Variants in EPC1 observed in about 807,000 individuals in gnomAD.
The protein encoded by EPC1 is enhancer of polycomb homolog 1.
EPC1 carries 12 observed loss-of-function variants against 98.4 expected under a neutral mutation model. The observed-to-expected ratio is 0.12, with a 90% CI of 0.08 to 0.20. The LOEUF is 0.20. Ranked by LOEUF, EPC1 falls within the 10% of genes least tolerant of loss-of-function variation. EPC1 has a pLI of 1.00. For missense variants in EPC1, 729 were observed against 990.5 expected (o/e 0.74, Z 3.54); for synonymous variants, 357 against 363.9 (o/e 0.98, Z 0.21).
rs765661811 is a variant in EPC1, at chr10:32,293,215, T to C, written c.460-21A>G. ...ACTGGCTAAATGTAAAACCATTATG[T>C]CATTTTCATACAATACACATACAAG... On this transcript the variant is annotated intron_variant, in intron 3 of 13. Coordinates refer to ENST00000319778, the MANE Select transcript of EPC1 (RefSeq NM_001272004.3). The C allele has an allele frequency of 1.9e-6, 3 of 1,564,290 alleles. No homozygotes were observed. The Admixed American group carries it at 5.1e-5, about 26-fold the overall frequency.
intron 1 of EPC1, among the ~76,000 whole-genome samples, chr10:32,337,752 C>T (rs1489571856): frequency 6.6e-6 from 1 of 152,138 alleles, no homozygotes; most frequent in Non-Finnish European, 1.5e-5. Flanking sequence ...AGAGCTATTC[C>T]AAAGAGTTGA....
In EPC1 at chr10:32,286,856, A is replaced by G. The variant is rs1836712007; in HGVS notation, c.1243-14T>C. The G allele has an allele frequency of 6.2e-7, 1 of 1,607,250 alleles. No homozygotes were observed. Among genetic ancestry groups the G allele is most frequent in the African/African-American group, 1.3e-5 (1 of 74,252 alleles). ...GTCTAAGTGAGGCTTAAAAAAAAAA[A>G]TCCAAATTATTTAATTTTGTCAGTT... is the stretch of plus-strand genomic sequence containing the variant. On this transcript the variant is annotated splice_polypyrimidine_tract_variant and intron_variant, in intron 8 of 13. Transcript: ENST00000319778.
chr10:32,367,705 A>G (rs1839639355), intron 1 of EPC1, among the ~76,000 whole-genome samples: 2 of 152,234 alleles, frequency 1.3e-5, no homozygotes, highest in Admixed American at 6.5e-5. Flanking sequence ...ATTGAAATGT[A>G]CACATTTGTA....
chr10:32,287,460 TA>T (rs1341698713), intron 6 of EPC1, among the ~76,000 whole-genome samples, 186 bp from the exon 7 acceptor site: 3 of 152,206 alleles, frequency 2.0e-5, no homozygotes. Flanking sequence ...CATGAAAGCA[TA>T]AATTTGTCCT....
Position 32,279,007 on chromosome 10 carries a change from AC to A in EPC1, c.1744+5690del, listed in dbSNP as rs1373940326. ...ATTAATGTATTTTACTACAGGTGCT[AC>A]TCCAGACTCTGCTACAGATGTTATA... On this transcript the variant is annotated intron_variant, in intron 10 of 13. Coordinates refer to ENST00000319778, the MANE Select transcript of EPC1 (RefSeq NM_001272004.3). Among the ~76,000 whole-genome samples the A allele has an allele frequency of 2.0e-5, 3 of 152,172 alleles. No homozygotes were observed. In the East Asian group the frequency reaches 5.8e-4, roughly 29 times the overall value.
At chr10:32,278,536 T>C (rs987162243) in intron 10 of EPC1, among the ~76,000 whole-genome samples, 23 of 146,592 alleles carry the variant, frequency 1.6e-4, no homozygotes, top group African/African-American at 4.0e-4. Context: ...CGCCCGCCAC[T>C]ACGCCCGTCT....
intron 1 of EPC1, among the ~76,000 whole-genome samples, chr10:32,326,455 A>G (rs566041799): frequency 1.3e-5 from 2 of 152,302 alleles, no homozygotes; most frequent in African/African-American, 4.8e-5. Context: ...AAAATGTGAC[A>G]AGAATAAGAA....
chr10:32,277,387 G>A (rs1210509592), intron 10 of EPC1, among the ~76,000 whole-genome samples: 1 of 152,180 alleles, frequency 6.6e-6, no homozygotes, highest in African/African-American at 2.4e-5. Context: ...CCAGGGACCT[G>A]CAGGTTTTAA....
intron 2 of EPC1, among the ~76,000 whole-genome samples, chr10:32,298,572 T>C (rs713267): frequency 0.63 from 95,197 of 152,046 alleles, 30,748 homozygotes; most frequent in Middle Eastern, 0.76. Context: ...GAAGATGTTA[T>C]TTACTATGGG....
chr10:32,316,361 C>T (rs573450542), intron 1 of EPC1, among the ~76,000 whole-genome samples: 1 of 152,228 alleles, frequency 6.6e-6, no homozygotes, highest in East Asian at 1.9e-4. Context: ...CACAGAAAGA[C>T]GTGAGTAAGA....
In EPC1 at chr10:32,267,828, C is replaced by G. The variant is rs1475570956; in HGVS notation, c.*1235G>C. ...AATTTTTCCAGGTGGGATTAAAAAC[C>G]TTAAGGATAATGTATGCCATTGGAC... On this transcript the variant is annotated 3_prime_UTR_variant, in exon 14 of 14. Transcript: ENST00000319778. 1 of 152,098 alleles carries G rather than the reference C, an allele frequency of 6.6e-6. No individual in the cohort carries two copies. Among genetic ancestry groups the G allele is most frequent in the Non-Finnish European group, 1.5e-5 (1 of 68,026 alleles). 9.4% of individuals were successfully genotyped at this position (152,098 alleles called of 1,614,324 possible). A position where few individuals can be genotyped will look rare whatever the true frequency, so the allele number is the denominator to read the frequency against.
At chr10:32,377,987 T>C (rs1276006761) in intron 1 of EPC1, among the ~76,000 whole-genome samples, 1 of 152,178 alleles carries the variant, frequency 6.6e-6, no homozygotes, top group Non-Finnish European at 1.5e-5. Flanking sequence ...GTAACAGCCA[T>C]AACTTAATAT....
chr10:32,292,689 A>G, intron 4 of EPC1, 45 bp from the exon 5 acceptor site: 1 of 1,569,984 alleles, frequency 6.4e-7, no homozygotes, highest in South Asian at 1.2e-5. Flanking sequence ...AGTATTTCTA[A>G]CTAGTGGTAT....
chr10:32,353,993 C>G (rs897329082), intron 1 of EPC1, among the ~76,000 whole-genome samples: 2 of 152,126 alleles, frequency 1.3e-5, no homozygotes, highest in Admixed American at 1.3e-4. Flanking sequence ...GAAAATATTA[C>G]AGTTGCCTTT....
intron 2 of EPC1, 82 bp from the exon 3 acceptor site, chr10:32,293,819 C>T: frequency 1.6e-6 from 2 of 1,256,112 alleles, no homozygotes; most frequent in Non-Finnish European, 2.2e-6. Flanking sequence ...AAAAACAAGA[C>T]CTAGACTTTC....
At chr10:32,324,547 A>G (rs1837147938) in intron 1 of EPC1, among the ~76,000 whole-genome samples, 1 of 151,852 alleles carries the variant, frequency 6.6e-6, no homozygotes, top group South Asian at 2.1e-4. Context: ...AGACAAAAAA[A>G]AAAAAAGTTA....
intron 1 of EPC1, among the ~76,000 whole-genome samples, chr10:32,320,219 CA>C (rs1836819124): frequency 6.7e-6 from 1 of 150,374 alleles, no homozygotes; most frequent in Admixed American, 6.6e-5. Flanking sequence ...AAGCTAAGAG[CA>C]AAAGGACTTT....
At chr10:32,369,585 C>G (rs79062629) in intron 1 of EPC1, among the ~76,000 whole-genome samples, 3 of 152,092 alleles carry the variant, frequency 2.0e-5, no homozygotes, top group African/African-American at 7.2e-5. Context: ...TAGGTCATAA[C>G]GGTTCTTTTA....
chr10:32,331,671 C>T, intron 1 of EPC1, among the ~76,000 whole-genome samples: 1 of 152,178 alleles, frequency 6.6e-6, no homozygotes, highest in East Asian at 1.9e-4. Context: ...TTAAAAAAGA[C>T]TACCTCAGAT....
Sources: gnomAD v4.1 joint callset for allele counts (sites outside exome capture counted in the v4.1 genomes callset) on GRCh38, gnomAD v4.1.1 for gene constraint, MANE v1.5 for transcripts, NCBI Gene and HGNC (gene_info 2026-07-23, HGNC 2026-07-21) for gene names.